Variants in DRC4 observed in about 807,000 individuals in gnomAD.
The protein encoded by DRC4 is GAS-11.
chr16:90,027,618 C>T, the DRC4 span: 1 of 1,613,010 alleles, frequency 6.2e-7, no homozygotes, highest in South Asian at 1.1e-5. Flanking sequence ...CTCTCTTACC[C>T]CATTATTTCC....
At chr16:90,031,195 G>T in the DRC4 span, 2 of 1,560,308 alleles carry the variant, frequency 1.3e-6, no homozygotes, top group Non-Finnish European at 1.7e-6. Flanking sequence ...TTTAGGTGAA[G>T]TTGAGTCCTC....
the DRC4 span, chr16:90,029,296 T>C: frequency 7.3e-7 from 1 of 1,365,828 alleles, no homozygotes; most frequent in South Asian, 1.1e-5. Flanking sequence ...TGGGGAGGGA[T>C]GGGGGTGACC....
At chr16:90,028,008 T>C in the DRC4 span, 1 of 407,224 alleles carries the variant, frequency 2.5e-6, no homozygotes, top group Non-Finnish European at 4.5e-6. Context: ...GTGTATTCTC[T>C]TTCAATCTTA....
the DRC4 span, chr16:90,042,299 C>T: frequency 9.0e-6 from 6 of 667,054 alleles, no homozygotes; most frequent in Non-Finnish European, 1.7e-5. Flanking sequence ...CTTGTTTTCT[C>T]TCCACCCTTG....
the DRC4 span, chr16:90,036,707 T>TTA: frequency 2.3e-6 from 2 of 869,256 alleles, no homozygotes; most frequent in Non-Finnish European, 1.9e-6. Flanking sequence ...TTTTATAAGA[T>TTA]TGTTTGACAA....
the DRC4 span, among the ~76,000 whole-genome samples, chr16:90,023,996 A>AG: frequency 6.6e-6 from 1 of 151,596 alleles, no homozygotes; most frequent in East Asian, 1.9e-4. Context: ...AAAAAAAAAA[A>AG]AAGCAGGGTG....
the DRC4 span, chr16:90,027,973 T>G: frequency 2.0e-6 from 1 of 495,580 alleles, no homozygotes; most frequent in Admixed American, 3.5e-5. Context: ...CATGCTTTTC[T>G]GATCTAAAAG....
chr16:90,029,037 G>A, the DRC4 span: 1 of 1,290,042 alleles, frequency 7.8e-7, no homozygotes, highest in Admixed American at 2.4e-5. Context: ...ATGGAGAATG[G>A]ATTGAACACT....
the DRC4 span, among the ~76,000 whole-genome samples, chr16:90,039,223 C>G: frequency 6.6e-6 from 1 of 152,136 alleles, no homozygotes; most frequent in East Asian, 1.9e-4. Context: ...ACAGCAGAGA[C>G]GTGCCTGGGT....
the DRC4 span, among the ~76,000 whole-genome samples, chr16:90,024,305 A>G: frequency 9.2e-5 from 14 of 152,130 alleles, no homozygotes; most frequent in Non-Finnish European, 1.9e-4. Flanking sequence ...GAGGATATTT[A>G]TTAATTATTT....
the DRC4 span, chr16:90,037,700 G>C: frequency 1.1e-5 from 16 of 1,503,472 alleles, no homozygotes; most frequent in African/African-American, 2.8e-5. Flanking sequence ...AGGAGCCCGT[G>C]TTACTTGGAT....
the DRC4 span, chr16:90,044,667 C>T: frequency 3.8e-4 from 177 of 465,616 alleles, 1 homozygote; most frequent in Non-Finnish European, 4.7e-4. Context: ...CAGAAGCCCC[C>T]CACCCCAGCT....
the DRC4 span, among the ~76,000 whole-genome samples, chr16:90,024,123 TAC>T: frequency 3.6e-5 from 5 of 139,446 alleles, no homozygotes; most frequent in South Asian, 2.4e-4. Context: ...TTACTAAAAA[TAC>T]ACACACACAC....
chr16:90,034,320 G>T, the DRC4 span, among the ~76,000 whole-genome samples: 1 of 152,260 alleles, frequency 6.6e-6, no homozygotes, highest in Non-Finnish European at 1.5e-5. Context: ...AGAGTTTCCT[G>T]TTGGGTAAAA....
chr16:90,025,521 G>A, the DRC4 span, among the ~76,000 whole-genome samples: 7,726 of 151,038 alleles, frequency 0.051, 282 homozygotes, highest in East Asian at 0.17. Flanking sequence ...GTGGTGGTGG[G>A]CACCTGTAAT....
the DRC4 span, chr16:90,043,669 C>G: frequency 1.8e-6 from 1 of 542,560 alleles, no homozygotes; most frequent in Non-Finnish European, 3.6e-6. Context: ...GGCAGTGCCG[C>G]GCTGTGCTGC....
chr16:90,031,050 CAG>C, the DRC4 span: 1 of 797,316 alleles, frequency 1.3e-6, no homozygotes, highest in African/African-American at 1.7e-5. Context: ...CATCAATTCT[CAG>C]GAATGGATGA....
the DRC4 span, chr16:90,031,552 C>G: frequency 6.7e-7 from 1 of 1,503,394 alleles, no homozygotes; most frequent in Non-Finnish European, 9.0e-7. Flanking sequence ...CCCAGAGGAG[C>G]TGGATCCAGT....
the DRC4 span, among the ~76,000 whole-genome samples, chr16:90,024,123 T>TACACACACACACACACACACACAC: frequency 1.4e-4 from 20 of 139,472 alleles, 1 homozygote; most frequent in Non-Finnish European, 2.3e-4. Flanking sequence ...TTACTAAAAA[T>TACACACACACACACACACACACAC]ACACACACAC....
Sources: gnomAD v4.1 joint callset for allele counts (sites outside exome capture counted in the v4.1 genomes callset) on GRCh38, gnomAD v4.1.1 for gene constraint, MANE v1.5 for transcripts, NCBI Gene and HGNC (gene_info 2026-07-23, HGNC 2026-07-21) for gene names.